The following MAP4 variants were observed in gnomAD, a reference collection of about 807,000 sequenced individuals.
The protein encoded by MAP4 is microtubule associated protein 4, also known as microtubule-associated protein 4.
A neutral mutation model predicts 170.2 loss-of-function variants in MAP4; 76 were observed. The observed-to-expected ratio is 0.45, with a 90% CI of 0.37 to 0.54. The LOEUF is 0.54. Among genes scored for constraint, MAP4 ranks in the 20% least tolerant of loss-of-function variants. MAP4 has a pLI of 0.00. For synonymous variants in MAP4, 909 were observed against 994.5 expected (o/e 0.91, Z 1.62); for missense variants, 2,506 against 2,748.0 (o/e 0.91, Z 1.97).
chr3:48,076,334 A>G (rs1394289628), intron 1 of MAP4, among the ~76,000 whole-genome samples: 1 of 151,266 alleles, frequency 6.6e-6, no homozygotes, highest in Non-Finnish European at 1.5e-5. Context: ...ATCTCTACTA[A>G]AAATACAAAA....
At chr3:47,863,937 T>TGTGGGGGGGGGGG in intron 17 of MAP4, among the ~76,000 whole-genome samples, 1 of 138,474 alleles carries the variant, frequency 7.2e-6, no homozygotes, top group African/African-American at 2.7e-5. Flanking sequence ...TGTGTGTGTG[T>TGTGGGGGGGGGGG]GGGGAGTGGT....
chr3:47,973,447 A>G, intron 3 of MAP4: 1 of 985,190 alleles, frequency 1.0e-6, no homozygotes, highest in Non-Finnish European at 1.2e-6. Context: ...TGTGAAACAT[A>G]AAATTTCTTT....
intron 10 of MAP4, among the ~76,000 whole-genome samples, chr3:47,898,256 C>T (rs1173573713): frequency 6.6e-6 from 1 of 151,992 alleles, no homozygotes; most frequent in African/African-American, 2.4e-5. Flanking sequence ...GTAATCCCAG[C>T]ACTTTGGGAG....
chr3:47,994,397 G>A (rs2100094166), intron 2 of MAP4, among the ~76,000 whole-genome samples: 1 of 152,156 alleles, frequency 6.6e-6, no homozygotes, highest in African/African-American at 2.4e-5. Context: ...TGGTTGAGAT[G>A]CTCTTCCCAT....
At chr3:48,032,503 A>G (rs1445997641) in intron 1 of MAP4, among the ~76,000 whole-genome samples, 2 of 144,920 alleles carry the variant, frequency 1.4e-5, no homozygotes, top group Admixed American at 1.4e-4. Flanking sequence ...ACTCCGTCTC[A>G]AAAAAAAAAA....
At chr3:48,086,988 ACTAT>A (rs2100149386) in intron 1 of MAP4, among the ~76,000 whole-genome samples, 1 of 152,176 alleles carries the variant, frequency 6.6e-6, no homozygotes, top group Non-Finnish European at 1.5e-5. Flanking sequence ...TTGCCACTTA[ACTAT>A]CTGTGTGACC....
chr3:47,879,846 T>C (rs1442383022), intron 10 of MAP4, among the ~76,000 whole-genome samples: 1 of 152,220 alleles, frequency 6.6e-6, no homozygotes, highest in Non-Finnish European at 1.5e-5. Context: ...TCCATCTCTA[T>C]AGTAACTTCC....
intron 6 of MAP4, among the ~76,000 whole-genome samples, chr3:47,917,579 C>G (rs1394837486): frequency 7.7e-6 from 1 of 129,932 alleles, no homozygotes; most frequent in African/African-American, 3.3e-5. Flanking sequence ...GGGCAAGAGT[C>G]CGTCTCAAAA....
At chr3:48,029,367 C>T (rs969354563) in intron 1 of MAP4, among the ~76,000 whole-genome samples, 5 of 151,990 alleles carry the variant, frequency 3.3e-5, no homozygotes, top group Admixed American at 2.6e-4. Context: ...ACCCAGGAGG[C>T]GGAGGCTGCA....
At chr3:47,990,430 G>T (rs951031841) in intron 2 of MAP4, among the ~76,000 whole-genome samples, 1 of 152,192 alleles carries the variant, frequency 6.6e-6, no homozygotes, top group Admixed American at 6.5e-5. Flanking sequence ...AGGCAACACA[G>T]TGAGACCTTG....
chr3:47,864,575 G>A (rs2076089047), intron 17 of MAP4, among the ~76,000 whole-genome samples: 1 of 152,224 alleles, frequency 6.6e-6, no homozygotes, highest in South Asian at 2.1e-4. Context: ...TACTCGGGAG[G>A]CTGAAGCAGG....
chr3:47,999,729 AAAGAT>A (rs1337679230), intron 1 of MAP4, among the ~76,000 whole-genome samples: 1 of 152,164 alleles, frequency 6.6e-6, no homozygotes, highest in Non-Finnish European at 1.5e-5. Flanking sequence ...AAGGAGCAGA[AAAGAT>A]AACTATTGGG....
intron 1 of MAP4, among the ~76,000 whole-genome samples, chr3:48,001,080 A>AT (rs1358027094): frequency 1.1e-4 from 17 of 152,166 alleles, no homozygotes; most frequent in African/African-American, 4.1e-4. Context: ...GTGTTGCTAT[A>AT]TATTAGAGTG....
At chr3:48,054,922 C>T (rs1319418875) in intron 1 of MAP4, among the ~76,000 whole-genome samples, 2 of 152,082 alleles carry the variant, frequency 1.3e-5, no homozygotes, top group African/African-American at 2.4e-5. Context: ...CCAATCTACC[C>T]CAGCCAAACA....
chr3:47,852,943 A>G lies in MAP4; in HGVS notation c.6887-5T>C. ...CGTCAGCCTGTAGGTCTCAATCTGCAGTGACATGGGAGGAGGGAAGGGAGA... is the reference window on the plus strand; with the variant it reads ...CGTCAGCCTGTAGGTCTCAATCTGCGGTGACATGGGAGGAGGGAAGGGAGA... On this transcript the variant is annotated splice_region_variant and splice_polypyrimidine_tract_variant and intron_variant, in intron 20 of 20. Transcript: ENST00000683076. The G allele has an allele frequency of 6.2e-7, 1 of 1,613,418 alleles. No homozygotes were observed. The highest frequency in any genetic ancestry group is 8.5e-7 in the Non-Finnish European group (1 of 1,179,638).
chr3:47,909,309 A>C lies in MAP4; in HGVS notation c.5112T>G (p.Pro1704=). 1 of 1,613,940 alleles carries C rather than the reference A, an allele frequency of 6.2e-7. No homozygotes were observed. ...CTAACGTATCCGCCACCTCTGAAGG[A>C]GGAGCTTCGACTTTGCTATGTAAGA... is the stretch of plus-strand genomic sequence containing the variant. ...SDFLHSKVEA[P]PSEVADTLVI... is the part of the protein sequence containing the mutation. Residue 1704 remains proline (P), a synonymous_variant, in exon 9 of 21, where the codon CCT becomes CCG. Coordinates refer to ENST00000683076, the MANE Select transcript of MAP4 (RefSeq NM_001385682.1).
intron 6 of MAP4, 38 bp from the exon 7 acceptor site, chr3:47,917,212 T>C (rs1424466591): frequency 1.3e-6 from 2 of 1,537,158 alleles, no homozygotes; most frequent in Non-Finnish European, 1.8e-6. Flanking sequence ...TGTCTACTCA[T>C]ACCTTTGCAT....
At chr3:47,925,668 T>C (rs1391561425) in intron 4 of MAP4, among the ~76,000 whole-genome samples, 1 of 152,140 alleles carries the variant, frequency 6.6e-6, no homozygotes, top group Non-Finnish European at 1.5e-5. Flanking sequence ...AAATGTCCAA[T>C]CTAAGCAAAT....
chr3:47,941,154 C>T (rs2100056057), intron 3 of MAP4, among the ~76,000 whole-genome samples: 1 of 134,346 alleles, frequency 7.4e-6, no homozygotes, highest in Non-Finnish European at 1.5e-5. Context: ...CCTGGGATTA[C>T]AGCGCCTGGC....
Sources: gnomAD v4.1 joint callset for allele counts (sites outside exome capture counted in the v4.1 genomes callset) on GRCh38, gnomAD v4.1.1 for gene constraint, MANE v1.5 for transcripts, NCBI Gene and HGNC (gene_info 2026-07-23, HGNC 2026-07-21) for gene names.